Variants in CTNND2 observed in about 807,000 individuals in gnomAD.
CTNND2 encodes catenin delta-2.
In CTNND2, 22 loss-of-function variants were observed where a neutral mutation model predicts 144.4. That is an observed-to-expected ratio of 0.15 (90% confidence interval 0.11 to 0.22). CTNND2 has a LOEUF of 0.22. CTNND2 is among the 10% of genes least tolerant of loss of function. The pLI is 1.00. For synonymous variants in CTNND2, 751 were observed against 695.6 expected (o/e 1.08, Z -1.25); for missense variants, 1,353 against 1,618.8 (o/e 0.84, Z 2.82).
intron 13 of CTNND2, 99 bp from the exon 14 acceptor site, chr5:11,111,142 C>G: frequency 7.7e-7 from 1 of 1,295,978 alleles, no homozygotes; most frequent in Non-Finnish European, 1.1e-6. Flanking sequence ...GGACACATTT[C>G]TCTTTGGAAG....
chr5:11,377,664 A>C (rs542686678), intron 7 of CTNND2, among the ~76,000 whole-genome samples: 68 of 152,174 alleles, frequency 4.5e-4, no homozygotes, highest in Non-Finnish European at 8.5e-4. Context: ...AGGTAGGAAA[A>C]GAATGGTAGA....
At chr5:11,420,523 G>A (rs906455481) in intron 3 of CTNND2, among the ~76,000 whole-genome samples, 1 of 152,162 alleles carries the variant, frequency 6.6e-6, no homozygotes, top group Non-Finnish European at 1.5e-5. Context: ...TACTGTGAAA[G>A]TGTAACATAT....
At position 11,356,055 on chromosome 5, in the gene CTNND2, A is replaced by G. The variant is rs368922115; in HGVS notation, c.1372+8641T>C. On this transcript the variant is annotated intron_variant, in intron 8 of 21. Coordinates refer to ENST00000304623, the MANE Select transcript of CTNND2 (RefSeq NM_001332.4). ...ATTAAAGAAATAGAAGAGGACACAA[A>G]TAAATGAAAATACATCTCATGCTCA... 1.0e-3 allele frequency among the ~76,000 whole-genome samples: 154 copies of G among 152,248 alleles called. 4 individuals carry two copies. The South Asian group carries it at 0.032, about 31-fold the overall frequency.
At chr5:11,181,776 CTGTG>C (rs1403582528) in intron 11 of CTNND2, among the ~76,000 whole-genome samples, 7 of 94,892 alleles carry the variant, frequency 7.4e-5, no homozygotes, top group East Asian at 3.1e-4. Context: ...GTGTGTGTGT[CTGTG>C]TGTGTGTCTG....
intron 14 of CTNND2, among the ~76,000 whole-genome samples, chr5:11,099,297 T>C (rs934490554): frequency 1.3e-5 from 2 of 152,194 alleles, no homozygotes; most frequent in Admixed American, 1.3e-4. Flanking sequence ...ACTGCTATAG[T>C]CTATTAGACA....
chr5:11,485,303 T>C (rs1768691181), intron 3 of CTNND2, among the ~76,000 whole-genome samples: 1 of 152,178 alleles, frequency 6.6e-6, no homozygotes, highest in Non-Finnish European at 1.5e-5. Context: ...GGACACAGTA[T>C]TTTTTAAATG....
chr5:11,170,587 CACAT>C (rs1369647544), intron 11 of CTNND2, among the ~76,000 whole-genome samples: 3 of 152,068 alleles, frequency 2.0e-5, no homozygotes, highest in Admixed American at 6.5e-5. Flanking sequence ...CATACACACA[CACAT>C]ACACACACAC....
intron 11 of CTNND2, among the ~76,000 whole-genome samples, chr5:11,195,133 G>A (rs1370830095): frequency 6.6e-6 from 1 of 151,972 alleles, no homozygotes; most frequent in African/African-American, 2.4e-5. Flanking sequence ...CACTGAAGAA[G>A]GTCATGACTC....
chr5:11,389,682 A>G (rs1404916846), intron 6 of CTNND2, among the ~76,000 whole-genome samples: 1 of 152,238 alleles, frequency 6.6e-6, no homozygotes, highest in Non-Finnish European at 1.5e-5. Flanking sequence ...AGTTTGATGC[A>G]TTAATTTACT....
intron 9 of CTNND2, among the ~76,000 whole-genome samples, chr5:11,313,918 C>G (rs1012378762): frequency 6.6e-6 from 1 of 151,924 alleles, no homozygotes; most frequent in African/African-American, 2.4e-5. Context: ...GGGGAAGTGC[C>G]ACACACGATT....
At chr5:11,733,594 AAG>A (rs1209065289) in intron 1 of CTNND2, among the ~76,000 whole-genome samples, 1 of 152,220 alleles carries the variant, frequency 6.6e-6, no homozygotes, top group Non-Finnish European at 1.5e-5. Flanking sequence ...CCAATAATTA[AAG>A]AGATACCTGA....
intron 2 of CTNND2, among the ~76,000 whole-genome samples, chr5:11,661,167 C>T (rs57369921): frequency 0.012 from 1,803 of 152,224 alleles, 28 homozygotes; most frequent in African/African-American, 0.042. Context: ...CTCTTGTTTA[C>T]ATAATTTTAA....
intron 9 of CTNND2, among the ~76,000 whole-genome samples, chr5:11,241,302 G>A (rs566695829): frequency 3.2e-4 from 48 of 152,330 alleles, no homozygotes; most frequent in African/African-American, 1.1e-3. Flanking sequence ...CAATCTGTGA[G>A]GGTGACGTGA....
chr5:11,131,572 G>C (rs900265587), intron 12 of CTNND2, among the ~76,000 whole-genome samples: 3 of 152,196 alleles, frequency 2.0e-5, no homozygotes, highest in Admixed American at 6.5e-5. Flanking sequence ...CGGATAACGA[G>C]GTCAGGAGAT....
At chr5:11,097,704 T>A (rs550289992) in intron 15 of CTNND2, among the ~76,000 whole-genome samples, 1 of 152,146 alleles carries the variant, frequency 6.6e-6, no homozygotes, top group African/African-American at 2.4e-5. Context: ...GAGCTTCTGA[T>A]GTCCGTGTGT....
rs1754789788 is a variant in CTNND2 at position 11,346,451 on chromosome 5, T to A, written c.1549A>T (p.Ser517Cys). 6.3e-7 allele frequency: 1 copy of A among 1,584,608 alleles called. No individual in the cohort carries two copies. The highest frequency in any genetic ancestry group is 8.6e-7 in the Non-Finnish European group (1 of 1,164,040). The change falls in exon 9 of 22, where the codon AGC becomes TGC. Residue 517 changes from serine to cysteine, a missense_variant. This residue lies in a region of CTNND2 where 708 missense variants were observed against 706.4 expected (regional missense o/e 1.00). Coordinates refer to ENST00000304623, the MANE Select transcript of CTNND2 (RefSeq NM_001332.4). ...GGCGGGAGAGCAGGGCCGGATTTGC[T>A]GTATGGAGACTCAACAGAGGGACAA... ...QYCPSVESPY[S>C]KSGPALPPEG...
At chr5:11,254,507 T>A (rs1561101134) in intron 9 of CTNND2, among the ~76,000 whole-genome samples, 3 of 152,164 alleles carry the variant, frequency 2.0e-5, no homozygotes, top group South Asian at 2.1e-4. Context: ...AGGGAATGTT[T>A]TTGACTCCAT....
At chr5:11,328,605 C>A (rs1460763021) in intron 9 of CTNND2, among the ~76,000 whole-genome samples, 1 of 152,128 alleles carries the variant, frequency 6.6e-6, no homozygotes, top group Non-Finnish European at 1.5e-5. Flanking sequence ...TGCGTCCAAT[C>A]CAAAATTCAT....
intron 9 of CTNND2, among the ~76,000 whole-genome samples, chr5:11,250,491 C>CTATATATATATATATATATATA (rs1285130441): frequency 1.9e-4 from 12 of 64,102 alleles, no homozygotes; most frequent in Non-Finnish European, 2.7e-4. Context: ...CTCTCTCTCT[C>CTATATATATATATATATATATA]TATATATATA....
Sources: gnomAD v4.1 joint callset for allele counts (sites outside exome capture counted in the v4.1 genomes callset) on GRCh38, gnomAD v4.1.1 for gene constraint, gnomAD v4.1.1 regional missense constraint, MANE v1.5 for transcripts, NCBI Gene and HGNC (gene_info 2026-07-23, HGNC 2026-07-21) for gene names.